The following CYP4X1 variants were observed in gnomAD, a reference collection of about 807,000 sequenced individuals.
CYP4X1 encodes cytochrome P450 4X1.
CYP4X1 carries 44 observed loss-of-function variants against 57.9 expected under a neutral mutation model. That is an observed-to-expected ratio of 0.76 (90% confidence interval 0.60 to 0.98). The LOEUF (loss-of-function observed/expected upper bound fraction) is 0.98, where lower values mean the gene tolerates loss of function less well. Ranked by LOEUF, CYP4X1 falls within the 50% of genes least tolerant of loss-of-function variation. The pLI is 0.00. For missense variants in CYP4X1, 532 were observed against 623.9 expected (o/e 0.85, Z 1.57); for synonymous variants, 227 against 228.6 (o/e 0.99, Z 0.06).
the CYP4X1 span, among the ~76,000 whole-genome samples, chr1:46,972,923 T>C: frequency 6.6e-6 from 1 of 152,070 alleles, no homozygotes; most frequent in East Asian, 1.9e-4. Flanking sequence ...CCTTTTTATT[T>C]TTATTATTTT....
chr1:47,039,529 C>T lies in CYP4X1; in HGVS notation c.1070C>T (p.Thr357Ile). The T allele has an allele frequency of 6.2e-7, 1 of 1,601,796 alleles. No individual in the cohort carries two copies. The highest frequency in any genetic ancestry group is 8.5e-7 in the Non-Finnish European group (1 of 1,176,126). The change falls in exon 8 of 12, where the codon ACT becomes ATT. Residue 357 changes from threonine (T) to isoleucine (I), a missense_variant. Transcript: ENST00000371901. ...RGILGDGSSITWDQLGEMSYT... is the reference protein window; with the variant it reads ...RGILGDGSSIIWDQLGEMSYT... ...ATCCTGGGGGATGGGTCTTCTATCA[C>T]TTGGTAAGATCTGCACCCCTAAATT...
chr1:46,981,671 A>T, the CYP4X1 span, among the ~76,000 whole-genome samples: 2 of 152,220 alleles, frequency 1.3e-5, no homozygotes, highest in South Asian at 4.1e-4. Context: ...TACTATAAAG[A>T]CACATGCACA....
At chr1:46,991,766 G>A in the CYP4X1 span, among the ~76,000 whole-genome samples, 1 of 151,614 alleles carries the variant, frequency 6.6e-6, no homozygotes, top group Non-Finnish European at 1.5e-5. Context: ...AAAGGAATAC[G>A]CTGGCCGGCG....
At chr1:46,991,201 T>G in the CYP4X1 span, among the ~76,000 whole-genome samples, 12 of 152,216 alleles carry the variant, frequency 7.9e-5, no homozygotes, top group Admixed American at 3.3e-4. Context: ...AGCCCTACAC[T>G]TCAAAGAAGG....
the CYP4X1 span, chr1:47,002,997 CT>C: frequency 6.6e-5 from 10 of 152,198 alleles, no homozygotes. Context: ...CTCACTTGAT[CT>C]CCCTAGAATC....
chr1:47,039,273 A>T (rs1287784636), intron 7 of CYP4X1, 69 bp from the exon 8 acceptor site: 3 of 1,371,068 alleles, frequency 2.2e-6, no homozygotes, highest in South Asian at 1.5e-5. Context: ...TCAAATCATT[A>T]TTGTGGTTGT....
chr1:46,987,794 T>C, the CYP4X1 span, among the ~76,000 whole-genome samples: 5 of 152,026 alleles, frequency 3.3e-5, no homozygotes, highest in Admixed American at 3.3e-4. Flanking sequence ...ACTGGGTACA[T>C]AACAAAATTG....
intron 9 of CYP4X1, among the ~76,000 whole-genome samples, chr1:47,047,773 A>AT (rs201594157): frequency 0.024 from 3,689 of 151,888 alleles, 61 homozygotes; most frequent in Non-Finnish European, 0.038. Context: ...AAATTTTTGT[A>AT]TTTTTATTAG....
chr1:46,994,533 CCT>C, the CYP4X1 span: 1 of 157,980 alleles, frequency 6.3e-6, no homozygotes, highest in East Asian at 1.9e-4. Flanking sequence ...ACTGAGTGCC[CCT>C]GTCAGTCCCT....
At chr1:46,976,929 A>G in the CYP4X1 span, among the ~76,000 whole-genome samples, 1 of 152,296 alleles carries the variant, frequency 6.6e-6, no homozygotes, top group Middle Eastern at 3.4e-3. Context: ...TTGCATCAAC[A>G]TCAACAAAAA....
chr1:46,983,687 C>T, the CYP4X1 span, among the ~76,000 whole-genome samples: 7 of 152,120 alleles, frequency 4.6e-5, no homozygotes, highest in African/African-American at 1.4e-4. Context: ...TCTCAAGGCC[C>T]GTGATAGTCC....
intron 4 of CYP4X1, 80 bp from the exon 5 acceptor site, chr1:47,035,726 A>G (rs1644172478): frequency 6.5e-7 from 1 of 1,529,682 alleles, no homozygotes; most frequent in Admixed American, 2.1e-5. Context: ...TCATAAAAAC[A>G]GGGCCAGGCA....
chr1:47,042,834 AC>A (rs1336359083), intron 8 of CYP4X1, among the ~76,000 whole-genome samples: 1 of 152,040 alleles, frequency 6.6e-6, no homozygotes, highest in African/African-American at 2.4e-5. Flanking sequence ...TATACATCCC[AC>A]AATTTCTTTA....
At chr1:46,989,980 T>C in the CYP4X1 span, among the ~76,000 whole-genome samples, 1 of 152,226 alleles carries the variant, frequency 6.6e-6, no homozygotes, top group East Asian at 1.9e-4. Context: ...TTTCAGGATA[T>C]AGGCATGGGC....
At chr1:47,037,381 C>T (rs1644196749) in intron 6 of CYP4X1, among the ~76,000 whole-genome samples, 1 of 151,212 alleles carries the variant, frequency 6.6e-6, no homozygotes, top group African/African-American at 2.4e-5. Flanking sequence ...AGGCAATTCT[C>T]CTACCTCAGC....
chr1:47,035,690 G>C, intron 4 of CYP4X1, 116 bp from the exon 5 acceptor site: 1 of 1,433,606 alleles, frequency 7.0e-7, no homozygotes, highest in Non-Finnish European at 9.3e-7. Flanking sequence ...TTTGGTTCCT[G>C]CTGGGTCAGG....
chr1:46,971,214 G>C, the CYP4X1 span, among the ~76,000 whole-genome samples: 1 of 152,048 alleles, frequency 6.6e-6, no homozygotes, highest in African/African-American at 2.4e-5. Flanking sequence ...TTAGGATAAC[G>C]GCCTCCTGCT....
At chr1:47,002,104 T>A in the CYP4X1 span, among the ~76,000 whole-genome samples, 1 of 152,222 alleles carries the variant, frequency 6.6e-6, no homozygotes, top group African/African-American at 2.4e-5. Flanking sequence ...ATTCATTTAG[T>A]GACCGAGTGA....
At chr1:47,009,931 A>C in the CYP4X1 span, among the ~76,000 whole-genome samples, 8 of 152,212 alleles carry the variant, frequency 5.3e-5, no homozygotes, top group Admixed American at 4.6e-4. Flanking sequence ...AACTTACCAA[A>C]CAAAAAAAGT....
Sources: allele counts gnomAD v4.1 joint callset (sites outside exome capture counted in the v4.1 genomes callset), GRCh38; gene constraint gnomAD v4.1.1; transcripts MANE v1.5; gene names NCBI Gene and HGNC (gene_info 2026-07-23, HGNC 2026-07-21).